PPFIA2: variants seen among roughly 807,000 people sequenced by gnomAD.
The protein encoded by PPFIA2 is liprin-alpha-2.
A neutral mutation model predicts 175.5 loss-of-function variants in PPFIA2; 46 were observed. The ratio of observed to expected loss-of-function variants is 0.26; its 90% CI spans 0.21 to 0.34. The LOEUF (loss-of-function observed/expected upper bound fraction) is 0.34, where lower values mean the gene tolerates loss of function less well. PPFIA2 is among the 10% of genes least tolerant of loss of function. The probability of loss-of-function intolerance (pLI) is 1.00; values close to 1 mark genes in which losing one functional copy is unlikely to be tolerated. For synonymous variants in PPFIA2, 568 were observed against 511.4 expected, an observed-to-expected ratio of 1.11 and a Z score of -1.49; for missense variants, 1,179 against 1,506.1, an observed-to-expected ratio of 0.78 and a Z score of 3.60.
chr12:81,324,632 A>G (rs1201709579), intron 22 of PPFIA2, among the ~76,000 whole-genome samples: 1 of 151,998 alleles, frequency 6.6e-6, no homozygotes, highest in Non-Finnish European at 1.5e-5. Flanking sequence ...AATTGGTAGG[A>G]CTAAACAAAA....
Position 81,534,919 on chromosome 12 carries a change from G to A in PPFIA2, c.304-77053C>T, listed in dbSNP as rs568527452. Among the ~76,000 whole-genome samples the A allele has an allele frequency of 5.3e-5, 8 of 151,784 alleles. 1 individual carries two copies. Among genetic ancestry groups the A allele is most frequent in the African/African-American group, 1.9e-4 (8 of 41,490 alleles). On this transcript the variant is annotated intron_variant, in intron 4 of 32. Transcript: ENST00000549396. ...GTTTGAAAGATTCAGGTTGATTGGA[G>A]AAATGGATAATTAGGGGGAGGTTTC... is the stretch of plus-strand genomic sequence containing the variant.
At chr12:81,272,297 G>GT (rs1377862579) in intron 28 of PPFIA2, among the ~76,000 whole-genome samples, 3 of 151,812 alleles carry the variant, frequency 2.0e-5, no homozygotes, top group Admixed American at 2.0e-4. Context: ...GTCTCCACCA[G>GT]TATCTTTTCA....
chr12:81,344,513 T>C (rs2058701555), intron 19 of PPFIA2, 151 bp downstream of exon 19: 2 of 459,406 alleles, frequency 4.4e-6, no homozygotes, highest in Non-Finnish European at 7.5e-6. Context: ...GTATTTTCTA[T>C]TATAATCAAA....
chr12:81,478,108 G>T (rs1176616513), intron 4 of PPFIA2, among the ~76,000 whole-genome samples: 1 of 151,892 alleles, frequency 6.6e-6, no homozygotes, highest in Non-Finnish European at 1.5e-5. Context: ...GTCTATTCAG[G>T]GATTCGACTT....
chr12:81,343,906 C>A (rs2058593261), intron 19 of PPFIA2, among the ~76,000 whole-genome samples: 1 of 152,058 alleles, frequency 6.6e-6, no homozygotes, highest in African/African-American at 2.4e-5. Context: ...ACATCACTCA[C>A]CTATAAGTAC....
At chr12:81,327,223 A>T (rs1463586020) in intron 21 of PPFIA2, among the ~76,000 whole-genome samples, 2 of 152,154 alleles carry the variant, frequency 1.3e-5, no homozygotes, top group Admixed American at 1.3e-4. Flanking sequence ...TGCTGTATAG[A>T]TCTAATTCAG....
At chr12:81,390,831 G>A (rs1473217910) in intron 8 of PPFIA2, among the ~76,000 whole-genome samples, 9 of 150,778 alleles carry the variant, frequency 6.0e-5, no homozygotes, top group East Asian at 2.0e-4. Flanking sequence ...TTGGGCTCAC[G>A]GTGTCATTTC....
rs923297870 is a variant in PPFIA2 at position 81,311,901 on chromosome 12, G to C, written c.2643-12519C>G. On this transcript the variant is annotated intron_variant, in intron 22 of 32. Coordinates refer to ENST00000549396, the MANE Select transcript of PPFIA2 (RefSeq NM_003625.5). ...TTGAAAACTAGAGGGAAGGAGTCTA[G>C]AATGTCTTTTGACATGTGTATAATA... 6 of 504,686 alleles carry C rather than the reference G, an allele frequency of 1.2e-5. No homozygotes were observed. The Admixed American group carries it at 1.7e-4, about 14-fold the overall frequency. 31.3% of individuals were successfully genotyped at this position (504,686 alleles called of 1,614,324 possible). A position where few individuals can be genotyped will look rare whatever the true frequency, so the allele number is the denominator to read the frequency against.
At chr12:81,717,968 T>C (rs550367228) in intron 3 of PPFIA2, among the ~76,000 whole-genome samples, 7 of 151,702 alleles carry the variant, frequency 4.6e-5, no homozygotes, top group African/African-American at 1.4e-4. Flanking sequence ...TTAGCTGTAC[T>C]CTGAGGCAAG....
At chr12:81,600,300 TTAATA>T (rs1203252411) in intron 4 of PPFIA2, among the ~76,000 whole-genome samples, 1 of 152,010 alleles carries the variant, frequency 6.6e-6, no homozygotes, top group African/African-American at 2.4e-5. Flanking sequence ...ATTACATAAT[TTAATA>T]TGTTTTTCAT....
At chr12:81,276,219 T>G (rs2040494855) in intron 28 of PPFIA2, among the ~76,000 whole-genome samples, 1 of 152,186 alleles carries the variant, frequency 6.6e-6, no homozygotes, top group Admixed American at 6.5e-5. Flanking sequence ...ATAAATAATG[T>G]GTCCAGGTGA....
intron 4 of PPFIA2, among the ~76,000 whole-genome samples, chr12:81,637,479 G>T (rs2064259684): frequency 2.0e-5 from 3 of 151,254 alleles, no homozygotes; most frequent in Admixed American, 1.3e-4. Context: ...CAAATATTTG[G>T]ATTCTTCCAT....
chr12:81,268,548 G>A (rs1332841454), intron 28 of PPFIA2, among the ~76,000 whole-genome samples: 2 of 152,148 alleles, frequency 1.3e-5, no homozygotes, highest in African/African-American at 4.8e-5. Context: ...CTTCATTTGT[G>A]TGTAGTTACT....
At chr12:81,654,421 G>A (rs969610714) in intron 4 of PPFIA2, among the ~76,000 whole-genome samples, 6 of 151,932 alleles carry the variant, frequency 3.9e-5, no homozygotes, top group African/African-American at 1.2e-4. Context: ...TACTATCAAC[G>A]ATGTATGGAT....
chr12:81,386,801 C>T (rs988251670), intron 8 of PPFIA2, among the ~76,000 whole-genome samples: 4 of 151,960 alleles, frequency 2.6e-5, no homozygotes, highest in Non-Finnish European at 4.4e-5. Flanking sequence ...CAGTCATTTC[C>T]GCTCATGTTT....
intron 4 of PPFIA2, among the ~76,000 whole-genome samples, chr12:81,537,826 G>T (rs1272186642): frequency 6.6e-6 from 1 of 151,844 alleles, no homozygotes; most frequent in Non-Finnish European, 1.5e-5. Flanking sequence ...CTCTAAGGGA[G>T]AAGAGAACTG....
intron 3 of PPFIA2, among the ~76,000 whole-genome samples, chr12:81,680,456 T>C (rs779339511): frequency 1.1e-4 from 17 of 151,956 alleles, no homozygotes; most frequent in Non-Finnish European, 2.5e-4. Flanking sequence ...TTTTTTTAAT[T>C]ACCAGTCCTA....
chr12:81,367,430 AC>A (rs2033817000), intron 13 of PPFIA2, among the ~76,000 whole-genome samples: 1 of 151,586 alleles, frequency 6.6e-6, no homozygotes, highest in African/African-American at 2.4e-5. Context: ...ATTTTAAGCT[AC>A]TTCTGTTTGC....
At chr12:81,541,500 T>C (rs951388729) in intron 4 of PPFIA2, among the ~76,000 whole-genome samples, 1 of 152,126 alleles carries the variant, frequency 6.6e-6, no homozygotes, top group Non-Finnish European at 1.5e-5. Context: ...TGCAACAAAG[T>C]AAATCAGTTT....
Sources: gnomAD v4.1 joint callset for allele counts (sites outside exome capture counted in the v4.1 genomes callset) on GRCh38, gnomAD v4.1.1 for gene constraint, MANE v1.5 for transcripts, NCBI Gene and HGNC (gene_info 2026-07-23, HGNC 2026-07-21) for gene names.